The following CDH12 variants were observed in gnomAD, a reference collection of about 807,000 sequenced individuals.
CDH12 encodes cadherin 12, also known as cadherin-12.
Under a neutral mutation model 74.1 loss-of-function variants are expected in CDH12, and 41 were observed. The observed-to-expected ratio is 0.55, with a 90% CI of 0.43 to 0.72. The LOEUF is 0.72. Among genes scored for constraint, CDH12 ranks in the 30% least tolerant of loss-of-function variants. CDH12 has a pLI of 0.00. For synonymous variants in CDH12, 399 were observed against 355.0 expected (o/e 1.12, Z -1.39); for missense variants, 945 against 977.2 (o/e 0.97, Z 0.44).
intron 1 of CDH12, among the ~76,000 whole-genome samples, chr5:22,514,388 A>C (rs1736725329): frequency 6.6e-6 from 1 of 152,228 alleles, no homozygotes; most frequent in African/African-American, 2.4e-5. Flanking sequence ...CAAAGCTGAA[A>C]GACAAGCACA....
In CDH12 at chr5:21,975,250, G is replaced by A. The variant is rs1295914723; in HGVS notation, c.367C>T (p.Pro123Ser). The part of the protein sequence containing the change: ...AIRSLDREEK[P>S]FYTLRAQAVD... Reference sequence around the variant, plus strand: ...GCCTGAGCACGAAGAGTGTAGAAAGGTTTCTCTTCTCTATCTAGGCTCCTT... The same window carrying A: ...GCCTGAGCACGAAGAGTGTAGAAAGATTTCTCTTCTCTATCTAGGCTCCTT... The change falls in exon 6 of 15, where the codon CCT becomes TCT. Residue 123 changes from proline to serine, a missense_variant. Coordinates refer to ENST00000382254, the MANE Select transcript of CDH12 (RefSeq NM_004061.5). The A allele has an allele frequency of 2.5e-6, 4 of 1,597,330 alleles. No homozygotes were observed. Among genetic ancestry groups the A allele is most frequent in the Non-Finnish European group, 3.4e-6 (4 of 1,179,660 alleles).
intron 5 of CDH12, among the ~76,000 whole-genome samples, chr5:22,038,439 G>A (rs1004636709): frequency 2.0e-5 from 3 of 152,140 alleles, no homozygotes; most frequent in Non-Finnish European, 4.4e-5. Context: ...CCCAGCCACT[G>A]CTGCATCCTG....
chr5:21,904,882 T>G (rs909565845), intron 6 of CDH12, among the ~76,000 whole-genome samples: 1 of 152,174 alleles, frequency 6.6e-6, no homozygotes, highest in Non-Finnish European at 1.5e-5. Context: ...AGATGTGGTT[T>G]ATACCACTGC....
intron 1 of CDH12, among the ~76,000 whole-genome samples, chr5:22,585,434 A>G (rs1740335912): frequency 6.6e-6 from 1 of 152,076 alleles, no homozygotes; most frequent in Non-Finnish European, 1.5e-5. Context: ...ATGGATCTGT[A>G]TCTTTAAACA....
intron 3 of CDH12, among the ~76,000 whole-genome samples, chr5:22,296,293 C>T (rs1737620966): frequency 6.6e-6 from 1 of 151,908 alleles, no homozygotes; most frequent in Admixed American, 6.6e-5. Flanking sequence ...CCTTAGAGAA[C>T]CTATGTTAGA....
intron 5 of CDH12, among the ~76,000 whole-genome samples, chr5:21,987,161 C>A (rs1757551967): frequency 6.6e-6 from 1 of 151,666 alleles, no homozygotes; most frequent in South Asian, 2.1e-4. Context: ...ATTTTAAATA[C>A]CCTTTTGTTT....
At chr5:21,877,283 C>T (rs1373405337) in intron 6 of CDH12, among the ~76,000 whole-genome samples, 1 of 152,092 alleles carries the variant, frequency 6.6e-6, no homozygotes, top group Non-Finnish European at 1.5e-5. Flanking sequence ...AGACTGGCCT[C>T]AATAGCTCCA....
chr5:21,890,655 G>A (rs890392015), intron 6 of CDH12, among the ~76,000 whole-genome samples: 2 of 152,060 alleles, frequency 1.3e-5, no homozygotes, highest in Non-Finnish European at 2.9e-5. Flanking sequence ...AGCCATTAAA[G>A]CACAATTTTA....
chr5:21,819,458 C>A (rs1249622451), intron 8 of CDH12, among the ~76,000 whole-genome samples: 1 of 151,968 alleles, frequency 6.6e-6, no homozygotes, highest in African/African-American at 2.4e-5. Flanking sequence ...TTATCAGAAA[C>A]TGTGTTTGTA....
intron 4 of CDH12, among the ~76,000 whole-genome samples, chr5:22,120,893 G>A (rs757634349): frequency 6.6e-6 from 1 of 151,972 alleles, no homozygotes; most frequent in Non-Finnish European, 1.5e-5. Flanking sequence ...TCATCACAAG[G>A]TTACTTTTCT....
At chr5:22,230,408 A>G (rs2150374539) in intron 3 of CDH12, among the ~76,000 whole-genome samples, 1 of 151,958 alleles carries the variant, frequency 6.6e-6, no homozygotes, top group East Asian at 1.9e-4. Context: ...TCACAACAAA[A>G]TGTCTTCATG....
chr5:22,670,741 T>G (rs1310305304), intron 1 of CDH12, among the ~76,000 whole-genome samples: 1 of 152,034 alleles, frequency 6.6e-6, no homozygotes. Flanking sequence ...AAAAATAAAC[T>G]CTAGACTTTT....
chr5:22,488,538 T>C (rs980792373), intron 2 of CDH12, among the ~76,000 whole-genome samples: 17 of 152,096 alleles, frequency 1.1e-4, no homozygotes, highest in African/African-American at 3.1e-4. Context: ...TTCCAAGAGA[T>C]AGCAAACAAT....
intron 11 of CDH12, among the ~76,000 whole-genome samples, chr5:21,770,909 G>A (rs145447736): frequency 5.3e-4 from 80 of 152,172 alleles, no homozygotes; most frequent in Non-Finnish European, 8.4e-4. Flanking sequence ...TGACCTTTGC[G>A]GAAACCTGGG....
intron 3 of CDH12, among the ~76,000 whole-genome samples, chr5:22,339,411 A>G (rs1253691522): frequency 6.6e-6 from 1 of 152,200 alleles, no homozygotes; most frequent in Non-Finnish European, 1.5e-5. Flanking sequence ...TAATTCAGTT[A>G]AGTGCTTAAA....
At chr5:22,438,942 A>G (rs1039057359) in intron 2 of CDH12, among the ~76,000 whole-genome samples, 6 of 151,912 alleles carry the variant, frequency 3.9e-5, no homozygotes, top group African/African-American at 1.2e-4. Context: ...GAAAATGACA[A>G]TGGGCCTCTA....
intron 2 of CDH12, among the ~76,000 whole-genome samples, chr5:22,461,152 C>T (rs2940572): frequency 0.15 from 22,091 of 150,050 alleles, 1,712 homozygotes; most frequent in Middle Eastern, 0.22. Context: ...CTCAGCGTCC[C>T]GAGTAGCTGG....
chr5:22,823,644 C>T (rs887996838), intron 1 of CDH12, among the ~76,000 whole-genome samples: 2 of 152,086 alleles, frequency 1.3e-5, no homozygotes, highest in African/African-American at 4.8e-5. Context: ...AAATTGTAAT[C>T]CCCAAGTGTT....
intron 1 of CDH12, among the ~76,000 whole-genome samples, chr5:22,726,465 G>A (rs538673775): frequency 1.3e-4 from 20 of 151,728 alleles, no homozygotes; most frequent in African/African-American, 4.8e-4. Context: ...TGATTACCTA[G>A]GTAAATTCCA....
Sources: gnomAD v4.1 joint callset for allele counts (sites outside exome capture counted in the v4.1 genomes callset) on GRCh38, gnomAD v4.1.1 for gene constraint, MANE v1.5 for transcripts, NCBI Gene and HGNC (gene_info 2026-07-23, HGNC 2026-07-21) for gene names.